Variants in PHACTR2 observed in about 807,000 individuals in gnomAD.
The protein encoded by PHACTR2 is chromosome 6 open reading frame 56.
PHACTR2 carries 30 observed loss-of-function variants against 76.0 expected under a neutral mutation model. The ratio of observed to expected loss-of-function variants is 0.39; its 90% CI spans 0.30 to 0.54. The LOEUF (loss-of-function observed/expected upper bound fraction) is 0.54, where lower values mean the gene tolerates loss of function less well. Ranked by LOEUF, PHACTR2 falls within the 20% of genes least tolerant of loss-of-function variation. The probability of loss-of-function intolerance (pLI) is 0.61; values close to 1 mark genes in which losing one functional copy is unlikely to be tolerated. For synonymous variants in PHACTR2, 292 were observed against 292.5 expected (o/e 1.00, Z 0.02); for missense variants, 696 against 781.1 (o/e 0.89, Z 1.30).
chr6:143,727,498 T>C (rs1582816299), intron 2 of PHACTR2, among the ~76,000 whole-genome samples: 1 of 152,306 alleles, frequency 6.6e-6, no homozygotes, highest in African/African-American at 2.4e-5. Context: ...TGCTGGATCA[T>C]ATGGTGGCTC....
chr6:143,709,759 T>G lies in PHACTR2; in HGVS notation c.47-2257T>G, dbSNP rs1022760590. On this transcript the variant is annotated intron_variant, in intron 1 of 12. Coordinates refer to ENST00000440869, the MANE Select transcript of PHACTR2 (RefSeq NM_001100164.2). This position sits in a 1 kb window ranked among gnomAD's most constrained non-coding sequence, Gnocchi z 4.4. Reference sequence around the variant, plus strand: ...GATACCACAGTTGGGGTGGTCTTGTTCCCAGTGTGCAATGATTTGGCCACC... The same window carrying G: ...GATACCACAGTTGGGGTGGTCTTGTGCCCAGTGTGCAATGATTTGGCCACC... Among the ~76,000 whole-genome samples, 5 of 152,102 alleles carry G rather than the reference T, an allele frequency of 3.3e-5. No homozygotes were observed. Among genetic ancestry groups the G allele is most frequent in the Non-Finnish European group, 7.4e-5 (5 of 68,002 alleles).
At position 143,594,958 on chromosome 6, in the gene PHACTR2, T is replaced by A. The variant is rs574941531; in HGVS notation, c.217+57751T>A. Among the ~76,000 whole-genome samples the A allele has an allele frequency of 6.6e-5, 10 of 152,390 alleles. No individual in the cohort carries two copies. In the South Asian group the frequency reaches 1.9e-3, roughly 28 times the overall value. ...AATCAGCTTGTTTTAGCAGAGCTCC[T>A]TTGTATAAACACATCAGCTGAAGGA... On this transcript the variant is annotated intron_variant, in intron 1 of 11. Coordinates refer to the PHACTR2 transcript ENST00000367584.
At position 143,767,929 on chromosome 6, in the gene PHACTR2, C is replaced by G; in HGVS notation, c.1232+2131C>G. Among the ~76,000 whole-genome samples the G allele has an allele frequency of 6.6e-6, 1 of 152,112 alleles. No individual in the cohort carries two copies. The highest frequency in any genetic ancestry group is 1.9e-4 in the East Asian group (1 of 5,198). On this transcript the variant is annotated intron_variant, in intron 6 of 12. Coordinates refer to ENST00000440869, the MANE Select transcript of PHACTR2 (RefSeq NM_001100164.2). This position sits in a 1 kb window ranked among gnomAD's most constrained non-coding sequence, Gnocchi z 4.4. The stretch of plus-strand genomic sequence containing the variant: ...CTCGGCTCACCTCAACCTCTGCCTC[C>G]CAGGTTCAAGCAATTCTCCTGCCTC...
chr6:143,563,594 C>T (rs141656757), intron 1 of PHACTR2, among the ~76,000 whole-genome samples: 2 of 149,054 alleles, frequency 1.3e-5, no homozygotes, highest in Non-Finnish European at 3.0e-5. Context: ...TGTTCTTTCT[C>T]TTGACATAGT....
upstream of PHACTR2, among the ~76,000 whole-genome samples, chr6:143,603,219 C>T (rs1775832693): frequency 6.6e-6 from 1 of 150,982 alleles, no homozygotes; most frequent in South Asian, 2.1e-4. Context: ...TCTTTACCTC[C>T]AACAATTTGC....
At chr6:143,634,488 G>A (rs1440409870) in intron 1 of PHACTR2, among the ~76,000 whole-genome samples, 1 of 152,180 alleles carries the variant, frequency 6.6e-6, no homozygotes, top group East Asian at 1.9e-4. Context: ...TGAAGAAGAG[G>A]TCATCTGATT....
rs1777144710 is a variant in PHACTR2, at chr6:143,671,017, A to T, written c.14-40999A>T. ...CGACTCACTGCAACCTCCACCTCCC[A>T]GTTCCAGGTTCAAGCAATTCTCCTG... is the stretch of plus-strand genomic sequence containing the variant. On this transcript the variant is annotated intron_variant, in intron 1 of 11. Coordinates refer to the PHACTR2 transcript ENST00000305766. This position sits in a 1 kb window ranked among gnomAD's most constrained non-coding sequence, Gnocchi z 4.6. 6.6e-6 allele frequency among the ~76,000 whole-genome samples: 1 copy of T among 151,000 alleles called. No individual in the cohort carries two copies. Among genetic ancestry groups the T allele is most frequent in the African/African-American group, 2.4e-5 (1 of 41,024 alleles).
chr6:143,790,247 A>C (rs1362122908), intron 11 of PHACTR2, among the ~76,000 whole-genome samples: 1 of 152,216 alleles, frequency 6.6e-6, no homozygotes, highest in Non-Finnish European at 1.5e-5. Flanking sequence ...AATGAGATAC[A>C]GTATCAAGGG....
At chr6:143,796,459 C>T (rs557055491) in intron 11 of PHACTR2, among the ~76,000 whole-genome samples, 7 of 151,416 alleles carry the variant, frequency 4.6e-5, no homozygotes, top group Admixed American at 6.6e-5. Flanking sequence ...ATGTGCAGAA[C>T]GTGTAGGTTT....
chr6:143,566,891 T>C (rs1775371322), intron 1 of PHACTR2, among the ~76,000 whole-genome samples: 1 of 151,992 alleles, frequency 6.6e-6, no homozygotes, highest in African/African-American at 2.4e-5. Context: ...TTAATAACAT[T>C]AGCTAGTCAG....
rs1582774253 is a variant in PHACTR2, at chr6:143,689,696, C to T, written c.46+11487C>T. Reference sequence around the variant, plus strand: ...TTCCCATTTTCTCATCTTCTCAAGTCTTTTTTTTTTTTTTGAGATGGAGTG... The same window carrying T: ...TTCCCATTTTCTCATCTTCTCAAGTTTTTTTTTTTTTTTTGAGATGGAGTG... On this transcript the variant is annotated intron_variant, in intron 1 of 12. Transcript: ENST00000440869. This position sits in a 1 kb window ranked among gnomAD's most constrained non-coding sequence, Gnocchi z 4.4. 4.3e-5 allele frequency among the ~76,000 whole-genome samples: 6 copies of T among 139,464 alleles called. No homozygotes were observed. Among genetic ancestry groups the T allele is most frequent in the East Asian group, 4.1e-4 (2 of 4,902 alleles). The allele number at this position is 139,464 out of a possible 152,430, so 91.5% of individuals were successfully genotyped here.
In PHACTR2 at chr6:143,757,295, G is replaced by T. The variant is rs940570596; in HGVS notation, c.455-3106G>T. Reference sequence around the variant, plus strand: ...CTGTGAGGAGACCAGAATGCAAACGGGCAATTGTAGTGCAAGATGCGAAGT... The same window carrying T: ...CTGTGAGGAGACCAGAATGCAAACGTGCAATTGTAGTGCAAGATGCGAAGT... On this transcript the variant is annotated intron_variant, in intron 4 of 12. Transcript: ENST00000440869. This position sits in a 1 kb window ranked among gnomAD's most constrained non-coding sequence, Gnocchi z 4.2. Among the ~76,000 whole-genome samples, 6 of 152,162 alleles carry T rather than the reference G, an allele frequency of 3.9e-5. No homozygotes were observed. Among genetic ancestry groups the T allele is most frequent in the African/African-American group, 7.2e-5 (3 of 41,426 alleles).
rs1325198716 is a variant in PHACTR2, at chr6:143,795,278, G to T, written c.1845+6368G>T. ...AAACTAAAAAAATTAGCCAGGTGTGGTGGCACACCCATGTATTCCTACCTA... is the reference window on the plus strand; with the variant it reads ...AAACTAAAAAAATTAGCCAGGTGTGTTGGCACACCCATGTATTCCTACCTA... On this transcript the variant is annotated intron_variant, in intron 11 of 12. Transcript: ENST00000440869. This position sits in a 1 kb window ranked among gnomAD's most constrained non-coding sequence, Gnocchi z 4.8. Among the ~76,000 whole-genome samples the T allele has an allele frequency of 6.6e-6, 1 of 152,148 alleles. No individual in the cohort carries two copies. The highest frequency in any genetic ancestry group is 1.5e-5 in the Non-Finnish European group (1 of 68,036).
At chr6:143,657,126 G>A (rs1004159160) in intron 1 of PHACTR2, among the ~76,000 whole-genome samples, 4 of 151,986 alleles carry the variant, frequency 2.6e-5, no homozygotes, top group South Asian at 2.1e-4. Flanking sequence ...GACAAATACC[G>A]AATGCATGCA....
chr6:143,598,505 G>T lies in PHACTR2; in HGVS notation c.217+61298G>T, dbSNP rs1186826532. Among the ~76,000 whole-genome samples the T allele has an allele frequency of 6.6e-6, 1 of 152,156 alleles. No homozygotes were observed. Among genetic ancestry groups the T allele is most frequent in the Non-Finnish European group, 1.5e-5 (1 of 68,024 alleles). Reference sequence around the variant, plus strand: ...TTGGCTGTTTTAAGCCACTAAATTGGTGGTAATTTGTTACAGTAGCAACAG... The same window carrying T: ...TTGGCTGTTTTAAGCCACTAAATTGTTGGTAATTTGTTACAGTAGCAACAG... On this transcript the variant is annotated intron_variant, in intron 1 of 11. Coordinates refer to the PHACTR2 transcript ENST00000367584. The surrounding 1 kb of genome is among the most constrained non-coding windows in gnomAD (Gnocchi z 4.1).
At chr6:143,737,211 A>G (rs934069293) in intron 2 of PHACTR2, among the ~76,000 whole-genome samples, 25 of 151,502 alleles carry the variant, frequency 1.7e-4, no homozygotes, top group Admixed American at 4.6e-4. Flanking sequence ...TACACATAAC[A>G]TATTCTAGAC....
upstream of PHACTR2, among the ~76,000 whole-genome samples, chr6:143,674,850 A>T (rs1331235326): frequency 6.6e-6 from 1 of 152,182 alleles, no homozygotes; most frequent in Non-Finnish European, 1.5e-5. The surrounding 1 kb of genome is among the most constrained non-coding windows in gnomAD (Gnocchi z 4.9). Context: ...GTAATTGTAA[A>T]CCATCTTCTC....
In PHACTR2 at chr6:143,556,431, G is replaced by A. The variant is rs542667044; in HGVS notation, c.217+19224G>A. ...ATGGAGAAAACATTGAAGGCAGCCA[G>A]CTTGATAGAATCATCAAAAATAAAA... On this transcript the variant is annotated intron_variant, in intron 1 of 11. Coordinates refer to the PHACTR2 transcript ENST00000367584. The surrounding 1 kb of genome is among the most constrained non-coding windows in gnomAD (Gnocchi z 4.3). Among the ~76,000 whole-genome samples the A allele has an allele frequency of 2.0e-5, 3 of 152,352 alleles. No homozygotes were observed. The South Asian group carries it at 6.2e-4, about 32-fold the overall frequency.
In PHACTR2 at chr6:143,791,433, A is replaced by G. The variant is rs779797226; in HGVS notation, c.1845+2523A>G. On this transcript the variant is annotated intron_variant, in intron 11 of 12. Coordinates refer to ENST00000440869, the MANE Select transcript of PHACTR2 (RefSeq NM_001100164.2). This position sits in a 1 kb window ranked among gnomAD's most constrained non-coding sequence, Gnocchi z 4.7. ...TGGAATCACCTATAGATCTTTAAGA[A>G]TGTGGATGTCTGGGTCCCATCTCCA... Among the ~76,000 whole-genome samples, 3 of 152,190 alleles carry G rather than the reference A, an allele frequency of 2.0e-5. No homozygotes were observed. Among genetic ancestry groups the G allele is most frequent in the Non-Finnish European group, 2.9e-5 (2 of 68,026 alleles).
Sources: allele counts gnomAD v4.1 joint callset (sites outside exome capture counted in the v4.1 genomes callset), GRCh38; gene constraint gnomAD v4.1.1; non-coding constraint Gnocchi (gnomAD v3.1); transcripts MANE v1.5; gene names NCBI Gene and HGNC (gene_info 2026-07-23, HGNC 2026-07-21).